The following ZFAT variants were observed in gnomAD, a reference collection of about 807,000 sequenced individuals.
ZFAT encodes the protein zinc finger protein ZFAT.
A neutral mutation model predicts 117.7 loss-of-function variants in ZFAT; 64 were observed. That is an observed-to-expected ratio of 0.54 (90% CI 0.44 to 0.67). ZFAT has a LOEUF of 0.67. Ranked by LOEUF, ZFAT falls within the 30% of genes least tolerant of loss-of-function variation. The pLI, the probability that ZFAT is intolerant of heterozygous loss-of-function variation, is 0.00. For synonymous variants in ZFAT, 679 were observed against 615.0 expected, an observed-to-expected ratio of 1.10 and a Z score of -1.54; for missense variants, 1,433 against 1,584.5, an observed-to-expected ratio of 0.90 and a Z score of 1.62.
intron 9 of ZFAT, among the ~76,000 whole-genome samples, chr8:134,586,196 C>T (rs1407159708): frequency 1.3e-5 from 2 of 152,200 alleles, no homozygotes; most frequent in East Asian, 1.9e-4. Flanking sequence ...AGCAGCCTTT[C>T]GCTTTCTGAA....
rs114789751 is a variant in ZFAT, at chr8:134,629,591, T to C, written c.448+7870A>G. The stretch of plus-strand genomic sequence containing the variant: ...GATTTCCTCCTTACTGTTCTCATAA[T>C]AGTGAGATCTGATGTTCTCATGAGA... On this transcript the variant is annotated intron_variant, in intron 3 of 15. Transcript: ENST00000377838. 6.0e-3 allele frequency among the ~76,000 whole-genome samples: 916 copies of C among 152,264 alleles called. 18 individuals are homozygous for C. Among genetic ancestry groups the C allele is most frequent in the African/African-American group, 0.02 (849 of 41,552 alleles).
intron 15 of ZFAT, among the ~76,000 whole-genome samples, chr8:134,500,248 C>T (rs564913029): frequency 1.3e-5 from 2 of 152,142 alleles, no homozygotes; most frequent in African/African-American, 4.8e-5. Flanking sequence ...GAAACAGGCA[C>T]CAAGCAAACA....
intron 11 of ZFAT, among the ~76,000 whole-genome samples, chr8:134,549,457 AAAAAG>A (rs1328827894): frequency 1.3e-5 from 2 of 151,682 alleles, no homozygotes; most frequent in East Asian, 1.9e-4. Flanking sequence ...AAAAAAAAAA[AAAAAG>A]AAGAAGAAGA....
chr8:134,709,162 T>A (rs1813894583), intron 1 of ZFAT, among the ~76,000 whole-genome samples: 1 of 152,162 alleles, frequency 6.6e-6, no homozygotes, highest in African/African-American at 2.4e-5. Flanking sequence ...TGCACCCCTG[T>A]AGTCCCAGCT....
At chr8:134,589,513 T>C (rs1826294960) in intron 8 of ZFAT, among the ~76,000 whole-genome samples, 1 of 152,230 alleles carries the variant, frequency 6.6e-6, no homozygotes, top group East Asian at 1.9e-4. Context: ...AAACACACAA[T>C]ACACTTGTCT....
the ZFAT span, among the ~76,000 whole-genome samples, chr8:134,744,727 C>CTTTTTT: frequency 5.0e-4 from 52 of 103,520 alleles, no homozygotes; most frequent in African/African-American, 1.8e-3. Flanking sequence ...GCCTACTCTC[C>CTTTTTT]TTTTTTTTTT....
At chr8:134,743,474 G>A in the ZFAT span, among the ~76,000 whole-genome samples, 2 of 151,984 alleles carry the variant, frequency 1.3e-5, no homozygotes, top group Non-Finnish European at 2.9e-5. Flanking sequence ...GGGCGACAGA[G>A]TGAGACTCCA....
chr8:134,551,577 C>T (rs1470109205), intron 11 of ZFAT, among the ~76,000 whole-genome samples: 1 of 152,228 alleles, frequency 6.6e-6, no homozygotes. Flanking sequence ...ACTCAGCATT[C>T]TGAGGGGGTG....
Position 134,657,736 on chromosome 8 carries a change from TTCTG to T in ZFAT, c.20-3_20del. The T allele has an allele frequency of 1.2e-6, 2 of 1,607,362 alleles. No individual in the cohort carries two copies. The highest frequency in any genetic ancestry group is 3.4e-5 in the Admixed American group (2 of 58,486). On this transcript the variant is annotated splice_acceptor_variant and splice_polypyrimidine_tract_variant and coding_sequence_variant and intron_variant, in exon 2 of 16. Transcript: ENST00000377838. LOFTEE classifies it high-confidence loss of function. ...ATTTACACATAAAGATGGCCGTGTT[TTCTG>T]TAAGGAAAAAAAAGGAAAATATGTT...
upstream of ZFAT, among the ~76,000 whole-genome samples, chr8:134,713,474 T>TGCG (rs1369701288): frequency 6.6e-6 from 1 of 152,230 alleles, no homozygotes; most frequent in Non-Finnish European, 1.5e-5. Flanking sequence ...CGCTCAAAGC[T>TGCG]GCGGCGTTTC....
chr8:134,545,158 C>A (rs986242331), intron 11 of ZFAT, among the ~76,000 whole-genome samples: 6 of 152,186 alleles, frequency 3.9e-5, no homozygotes, highest in African/African-American at 1.4e-4. Context: ...TGAACTAGGG[C>A]TACATGTGAG....
chr8:134,770,697 C>T, the ZFAT span, among the ~76,000 whole-genome samples: 1 of 152,218 alleles, frequency 6.6e-6, no homozygotes, highest in Non-Finnish European at 1.5e-5. Flanking sequence ...TGGAACAGAG[C>T]CATATTTCTC....
chr8:134,742,197 G>T, the ZFAT span, among the ~76,000 whole-genome samples: 1 of 151,340 alleles, frequency 6.6e-6, no homozygotes, highest in African/African-American at 2.4e-5. Flanking sequence ...TAAGTTCTGG[G>T]ATACATGTGC....
At chr8:134,589,242 G>T (rs1826274514) in intron 8 of ZFAT, among the ~76,000 whole-genome samples, 1 of 152,184 alleles carries the variant, frequency 6.6e-6, no homozygotes, top group South Asian at 2.1e-4. Flanking sequence ...TGTCACTTAG[G>T]ACATGAGTTA....
At chr8:134,649,208 C>G (rs1831088638) in intron 2 of ZFAT, among the ~76,000 whole-genome samples, 1 of 146,188 alleles carries the variant, frequency 6.8e-6, no homozygotes. Flanking sequence ...CACACCCCAT[C>G]ATACTTAATG....
the ZFAT span, among the ~76,000 whole-genome samples, chr8:134,735,943 G>A: frequency 2.0e-5 from 3 of 152,070 alleles, no homozygotes; most frequent in Non-Finnish European, 4.4e-5. Flanking sequence ...AATCCATCAT[G>A]GATATATACA....
At chr8:134,712,815 C>CTG in intron 1 of ZFAT, 30 bp downstream of exon 1, 1 of 1,128,120 alleles carries the variant, frequency 8.9e-7, no homozygotes, top group Non-Finnish European at 1.2e-6. Flanking sequence ...ACCCCCACCC[C>CTG]GTCTCACCCC....
At chr8:134,683,192 A>G (rs964805032) in intron 1 of ZFAT, among the ~76,000 whole-genome samples, 1 of 152,228 alleles carries the variant, frequency 6.6e-6, no homozygotes, top group Non-Finnish European at 1.5e-5. Context: ...AAAACAAAAG[A>G]AGAAGTGGCT....
chr8:134,746,531 A>C, the ZFAT span, among the ~76,000 whole-genome samples: 1 of 152,204 alleles, frequency 6.6e-6, no homozygotes, highest in Non-Finnish European at 1.5e-5. Flanking sequence ...GTCTTTCTCC[A>C]CTAAACTAAT....
Sources: gnomAD v4.1 joint callset for allele counts (sites outside exome capture counted in the v4.1 genomes callset) on GRCh38, gnomAD v4.1.1 for gene constraint, MANE v1.5 for transcripts, NCBI Gene and HGNC (gene_info 2026-07-23, HGNC 2026-07-21) for gene names.